The following PCDHA4 variants were observed in gnomAD, a reference collection of about 807,000 sequenced individuals.
The protein encoded by PCDHA4 is protocadherin alpha 4.
In PCDHA4, 49 loss-of-function variants were observed where a neutral mutation model predicts 61.4. The ratio of observed to expected loss-of-function variants is 0.80; its 90% CI spans 0.63 to 1.01. The LOEUF (loss-of-function observed/expected upper bound fraction) is 1.01. Ranked by LOEUF, PCDHA4 falls within the 50% of genes least tolerant of loss-of-function variation. The pLI is 0.00. For synonymous variants in PCDHA4, 590 were observed against 550.3 expected, an observed-to-expected ratio of 1.07 and a Z score of -1.01; for missense variants, 1,254 against 1,235.8, an observed-to-expected ratio of 1.01 and a Z score of -0.22.
At chr5:140,836,137 TG>T in intron 1 of PCDHA4, 1 of 1,613,712 alleles carries the variant, frequency 6.2e-7, no homozygotes, top group Non-Finnish European at 8.5e-7. Context: ...CCGCGGTCTG[TG>T]GGCGCGGGCC....
At chr5:140,860,049 G>C (rs2046155952) in intron 1 of PCDHA4, 1 of 151,206 alleles carries the variant, frequency 6.6e-6, no homozygotes, top group Non-Finnish European at 1.5e-5. Context: ...AGCATTTTGA[G>C]AGGCCAAGGT....
Position 140,828,034 on chromosome 5 carries a change from A to G in PCDHA4, c.2385+18462A>G, listed in dbSNP as rs1202168939. Reference sequence around the variant, plus strand: ...TGGATTAATAAATTCCGGAACATACAGTATTTTATCTTTATGCGGAAGATC... The same window carrying G: ...TGGATTAATAAATTCCGGAACATACGGTATTTTATCTTTATGCGGAAGATC... On this transcript the variant is annotated intron_variant, in intron 1 of 3. Transcript: ENST00000530339. The G allele has an allele frequency of 8.5e-6, 13 of 1,527,214 alleles. No individual in the cohort carries two copies. In the South Asian group the frequency reaches 9.2e-5, roughly 11 times the overall value. 94.6% of individuals were successfully genotyped at this position (1,527,214 alleles called of 1,614,324 possible). A position where few individuals can be genotyped will look rare whatever the true frequency, so the allele number is the denominator to read the frequency against.
intron 1 of PCDHA4, chr5:140,822,786 G>C (rs1480573105): frequency 6.2e-7 from 1 of 1,613,980 alleles, no homozygotes; most frequent in African/African-American, 1.3e-5. Context: ...AAGTAGTAGT[G>C]AAACTCCTGG....
At chr5:140,868,805 C>A in intron 1 of PCDHA4, 2 of 356,420 alleles carry the variant, frequency 5.6e-6, no homozygotes, top group Non-Finnish European at 5.0e-6. Context: ...TAAATAAGCA[C>A]GTTGGAAATA....
At chr5:140,974,815 A>G (rs990559310) in intron 1 of PCDHA4, among the ~76,000 whole-genome samples, 3 of 152,188 alleles carry the variant, frequency 2.0e-5, no homozygotes, top group Non-Finnish European at 4.4e-5. Context: ...GAAGACCAAT[A>G]TGCAACATAA....
chr5:140,849,491 T>C (rs1554142975), intron 1 of PCDHA4: 1 of 1,592,292 alleles, frequency 6.3e-7, no homozygotes, highest in African/African-American at 1.4e-5. Context: ...CCCTGGCTGG[T>C]CATTGTACAC....
chr5:140,841,723 G>C, intron 1 of PCDHA4: 1 of 1,613,856 alleles, frequency 6.2e-7, no homozygotes. Context: ...CAGTGTTCCG[G>C]GTAAAAGACC....
chr5:140,840,228 G>A (rs1554137738), intron 1 of PCDHA4, among the ~76,000 whole-genome samples: 1 of 152,042 alleles, frequency 6.6e-6, no homozygotes, highest in African/African-American at 2.4e-5. Flanking sequence ...ATGAGTAAAT[G>A]TGGAGAATCA....
chr5:140,884,521 G>C (rs569278761), intron 1 of PCDHA4: 1 of 1,614,196 alleles, frequency 6.2e-7, no homozygotes, highest in African/African-American at 1.3e-5. Context: ...GGTCGTACTC[G>C]CAGCAGAGGC....
intron 1 of PCDHA4, among the ~76,000 whole-genome samples, chr5:140,827,341 T>C (rs1438328156): frequency 6.6e-6 from 1 of 152,148 alleles, no homozygotes; most frequent in Non-Finnish European, 1.5e-5. Flanking sequence ...TGGTGAAGTA[T>C]ATGAAAAGAA....
rs2150247025 is a variant in PCDHA4, at chr5:140,835,871, G to A, written c.2385+26299G>A. 23 of 1,611,942 alleles carry A rather than the reference G, an allele frequency of 1.4e-5. No individual in the cohort carries two copies. The South Asian group carries it at 2.4e-4, about 17-fold the overall frequency. On this transcript the variant is annotated intron_variant, in intron 1 of 3. Transcript: ENST00000530339. ...CGCTGGTGTCCTACTCGCTGGTGGA[G>A]CTGCGGGTGGGCGAGCGCGCGCTGT...
intron 1 of PCDHA4, among the ~76,000 whole-genome samples, chr5:140,916,167 C>T (rs2077462600): frequency 6.6e-6 from 1 of 152,080 alleles, no homozygotes; most frequent in South Asian, 2.1e-4. Context: ...TGCTGCCAGG[C>T]CTGGGACTCT....
At chr5:140,988,026 T>A (rs1405610277) in intron 3 of PCDHA4, among the ~76,000 whole-genome samples, 1 of 152,152 alleles carries the variant, frequency 6.6e-6, no homozygotes, top group Non-Finnish European at 1.5e-5. Context: ...GATTCTTAAG[T>A]TTTTTAGAAT....
intron 1 of PCDHA4, chr5:140,852,581 TA>T (rs1417948618): frequency 2.2e-5 from 18 of 832,290 alleles, no homozygotes; most frequent in South Asian, 5.3e-5. Flanking sequence ...AAGGCTTTTT[TA>T]TTTTTTTTTT....
intron 1 of PCDHA4, chr5:140,865,758 G>A (rs2048989245): frequency 6.6e-6 from 1 of 152,150 alleles, no homozygotes; most frequent in African/African-American, 2.4e-5. Flanking sequence ...CCAGTACATG[G>A]TGGAGATATT....
intron 1 of PCDHA4, among the ~76,000 whole-genome samples, chr5:140,920,560 C>T (rs1288031450): frequency 1.3e-5 from 2 of 152,168 alleles, no homozygotes; most frequent in Non-Finnish European, 2.9e-5. Flanking sequence ...AAGTGTGGCC[C>T]TTAGGCCAGG....
At chr5:140,836,032 C>G (rs2150251120) in intron 1 of PCDHA4, 1 of 1,613,416 alleles carries the variant, frequency 6.2e-7, no homozygotes, top group African/African-American at 1.3e-5. Context: ...AGCAACGTGA[C>G]GCTGCAGGTG....
At chr5:140,995,342 A>G (rs2097678065) in intron 3 of PCDHA4, among the ~76,000 whole-genome samples, 1 of 152,122 alleles carries the variant, frequency 6.6e-6, no homozygotes, top group African/African-American at 2.4e-5. Flanking sequence ...TGTAGACGGC[A>G]TGGATAGGTC....
Position 141,010,492 on chromosome 5 carries a change from C to T in PCDHA4, c.*555C>T. 8.0e-6 allele frequency: 5 copies of T among 628,626 alleles called. No homozygotes were observed. 38.9% of individuals were successfully genotyped at this position (628,626 alleles called of 1,614,324 possible). On this transcript the variant is annotated 3_prime_UTR_variant, in exon 4 of 4. Coordinates refer to ENST00000530339, the MANE Select transcript of PCDHA4 (RefSeq NM_018907.4). ...AGGGGAAGTGTAAACTTAAAGGGAC[C>T]AGACTTTCTAAATCTTACAACTCAA... is the stretch of plus-strand genomic sequence containing the variant.
Sources: allele counts gnomAD v4.1 joint callset (sites outside exome capture counted in the v4.1 genomes callset), GRCh38; gene constraint gnomAD v4.1.1; transcripts MANE v1.5; gene names NCBI Gene and HGNC (gene_info 2026-07-23, HGNC 2026-07-21).